CAPN13: variants seen among roughly 807,000 people sequenced by gnomAD.
The protein encoded by CAPN13 is calpain 13.
CAPN13 carries 90 observed loss-of-function variants against 98.4 expected under a neutral mutation model. That is an observed-to-expected ratio of 0.92 (90% confidence interval 0.77 to 1.09). The LOEUF (loss-of-function observed/expected upper bound fraction) is 1.09, where lower values mean the gene tolerates loss of function less well. Ranked by LOEUF, CAPN13 falls within the 50% of genes least tolerant of loss-of-function variation. The pLI is 0.00. For missense variants in CAPN13, 887 were observed against 841.3 expected, an observed-to-expected ratio of 1.05 and a Z score of -0.67; for synonymous variants, 330 against 305.5, an observed-to-expected ratio of 1.08 and a Z score of -0.84.
chr2:30,778,539 T>C (rs17010258), intron 2 of CAPN13, among the ~76,000 whole-genome samples: 31,753 of 152,158 alleles, frequency 0.21, 3,573 homozygotes, highest in South Asian at 0.36. Context: ...TCTTTTCACA[T>C]TGACCAATAA....
At chr2:30,768,257 G>A (rs1018546533) in intron 5 of CAPN13, among the ~76,000 whole-genome samples, 10 of 152,212 alleles carry the variant, frequency 6.6e-5, no homozygotes, top group African/African-American at 1.2e-4. Context: ...CAACTCTCTG[G>A]ATTGGAATCA....
intron 7 of CAPN13, among the ~76,000 whole-genome samples, chr2:30,759,170 G>A: frequency 7.8e-6 from 1 of 127,744 alleles, no homozygotes; most frequent in South Asian, 2.6e-4. Flanking sequence ...TCCCTCCCTC[G>A]TTTTTCTCCT....
At chr2:30,740,108 T>TGAGATGGAGTC (rs1311165399) in intron 15 of CAPN13, among the ~76,000 whole-genome samples, 4 of 150,162 alleles carry the variant, frequency 2.7e-5, no homozygotes, top group Admixed American at 6.6e-5. Flanking sequence ...TTTTTTTTTT[T>TGAGATGGAGTC]TTTTGAGATG....
intron 6 of CAPN13, among the ~76,000 whole-genome samples, 174 bp from the exon 7 acceptor site, chr2:30,763,330 T>C (rs577735632): frequency 2.0e-5 from 3 of 152,382 alleles, no homozygotes; most frequent in Non-Finnish European, 4.4e-5. Flanking sequence ...ATTGGGTGTC[T>C]GAGGCCCCAG....
At chr2:30,804,328 G>C (rs1348426432) in intron 1 of CAPN13, among the ~76,000 whole-genome samples, 1 of 152,104 alleles carries the variant, frequency 6.6e-6, no homozygotes, top group African/African-American at 2.4e-5. Context: ...AGCCTCCCAA[G>C]TAGCTGGGAT....
intron 11 of CAPN13, among the ~76,000 whole-genome samples, chr2:30,749,268 T>A (rs1399055851): frequency 6.6e-6 from 1 of 152,216 alleles, no homozygotes; most frequent in Non-Finnish European, 1.5e-5. Context: ...GCATTTTGGA[T>A]TTTGAATTTT....
At position 30,776,006 on chromosome 2, in the gene CAPN13, T is replaced by C; in HGVS notation, c.311A>G (p.Gln104Arg). Reference protein sequence around the residue: ...WFLAALGSLTQNPQYRQKILM... With the variant: ...WFLAALGSLTRNPQYRQKILM... ...GATCTTCTGCCTGTACTGTGGGTTC[T>C]GAGTCAAGGATCCCAGTGCTGCCAG... Residue 104 changes from glutamine (Q) to arginine (R), a missense_variant, in exon 4 of 23, where the codon CAG (glutamine) becomes CGG (arginine). By Grantham distance (43) the Gln-to-Arg change is conservative (BLOSUM62 1). Transcript: ENST00000295055. 1.9e-6 allele frequency: 3 copies of C among 1,613,132 alleles called. No homozygotes were observed. Among genetic ancestry groups the C allele is most frequent in the South Asian group, 1.1e-5 (1 of 90,834 alleles).
At chr2:30,735,646 G>C (rs2147954055) in intron 18 of CAPN13, among the ~76,000 whole-genome samples, 1 of 152,294 alleles carries the variant, frequency 6.6e-6, no homozygotes, top group Non-Finnish European at 1.5e-5. Flanking sequence ...GCAGTGCCCT[G>C]CAATGAAATG....
At chr2:30,795,097 C>A (rs900683742) in intron 1 of CAPN13, among the ~76,000 whole-genome samples, 2 of 151,960 alleles carry the variant, frequency 1.3e-5, no homozygotes, top group Non-Finnish European at 2.9e-5. Context: ...TCTCCCTGCA[C>A]CCCATGGTTA....
At chr2:30,752,225 C>T (rs1379407566) in intron 10 of CAPN13, among the ~76,000 whole-genome samples, 7 of 152,292 alleles carry the variant, frequency 4.6e-5, no homozygotes, top group South Asian at 2.1e-4. Context: ...CCAACCATCC[C>T]GACAGGCAGG....
chr2:30,769,562 G>T (rs185304905), intron 5 of CAPN13, among the ~76,000 whole-genome samples: 46 of 152,282 alleles, frequency 3.0e-4, no homozygotes, highest in Non-Finnish European at 1.9e-4. Flanking sequence ...AACCACTTGA[G>T]TCAGTCTGAG....
chr2:30,799,813 C>T (rs1221870930), intron 1 of CAPN13, among the ~76,000 whole-genome samples: 2 of 152,148 alleles, frequency 1.3e-5, no homozygotes, highest in African/African-American at 2.4e-5. Context: ...GTGGTTCACT[C>T]CTGTAATCCC....
At chr2:30,779,504 G>C (rs2148057061) in intron 2 of CAPN13, among the ~76,000 whole-genome samples, 1 of 152,304 alleles carries the variant, frequency 6.6e-6, no homozygotes, top group Non-Finnish European at 1.5e-5. Context: ...AGCTGGACCA[G>C]TCCTTACATT....
intron 2 of CAPN13, among the ~76,000 whole-genome samples, chr2:30,780,131 A>G (rs1673912048): frequency 6.6e-6 from 1 of 152,228 alleles, no homozygotes; most frequent in Admixed American, 6.5e-5. Flanking sequence ...TAGTATTTTA[A>G]AGTTACCAAA....
chr2:30,736,484 A>T lies in CAPN13; in HGVS notation c.1722+19T>A. The T allele has an allele frequency of 6.2e-7, 1 of 1,613,126 alleles. No homozygotes were observed. Among genetic ancestry groups the T allele is most frequent in the Non-Finnish European group, 8.5e-7 (1 of 1,179,094 alleles). ...ACTGGACAGAATGAGAGTGCTAGTC[A>T]CAGAGAATGTGCCCGTACCTGGTAG... On this transcript the variant is annotated intron_variant, in intron 18 of 22. Coordinates refer to ENST00000295055, the MANE Select transcript of CAPN13 (RefSeq NM_144575.3).
chr2:30,756,784 G>A (rs1572825237), intron 8 of CAPN13, among the ~76,000 whole-genome samples: 1 of 152,214 alleles, frequency 6.6e-6, no homozygotes. Flanking sequence ...AGAAACGGGG[G>A]CAGGGAGGGG....
chr2:30,724,394 A>T (rs770299681), intron 22 of CAPN13, among the ~76,000 whole-genome samples: 9 of 152,208 alleles, frequency 5.9e-5, no homozygotes, highest in Non-Finnish European at 7.4e-5. Context: ...AAGCAATCTG[A>T]TCAAAAATTG....
intron 1 of CAPN13, among the ~76,000 whole-genome samples, chr2:30,788,960 T>C (rs1674469165): frequency 6.6e-6 from 1 of 152,200 alleles, no homozygotes; most frequent in Non-Finnish European, 1.5e-5. Flanking sequence ...AATGGTTGAA[T>C]ATAGTCAGTT....
intron 1 of CAPN13, among the ~76,000 whole-genome samples, chr2:30,804,605 C>A (rs1447139895): frequency 2.0e-5 from 3 of 152,146 alleles, no homozygotes; most frequent in Non-Finnish European, 4.4e-5. Flanking sequence ...CAGCAACAGC[C>A]CCCAAAATTA....
Sources: gnomAD v4.1 joint callset for allele counts (sites outside exome capture counted in the v4.1 genomes callset) on GRCh38, gnomAD v4.1.1 for gene constraint, MANE v1.5 for transcripts, NCBI Gene and HGNC (gene_info 2026-07-23, HGNC 2026-07-21) for gene names.